DGKB: variants seen among roughly 807,000 people sequenced by gnomAD.
The protein encoded by DGKB is 90 kDa diacylglycerol kinase.
In DGKB, 67 loss-of-function variants were observed where a neutral mutation model predicts 114.3. That is an observed-to-expected ratio of 0.59 (90% confidence interval 0.48 to 0.72). DGKB has a LOEUF of 0.72. DGKB is among the 30% of genes least tolerant of loss of function. The pLI is 0.00. For synonymous variants in DGKB, 398 were observed against 323.1 expected (o/e 1.23, Z -2.49); for missense variants, 907 against 975.2 (o/e 0.93, Z 0.93).
Position 14,601,138 on chromosome 7 carries a change from C to A in DGKB, c.1433+6296G>T, listed in dbSNP as rs565576762. Among the ~76,000 whole-genome samples the A allele has an allele frequency of 3.9e-5, 6 of 152,306 alleles. No individual in the cohort carries two copies. In the East Asian group the frequency reaches 9.7e-4, roughly 25 times the overall value. ...GTTAGCACCAGCTGGATGCTGCAAA[C>A]CTTTGCCACCTCTGTCTCCTGAAGG... On this transcript the variant is annotated intron_variant, in intron 17 of 25. Coordinates refer to ENST00000402815, the MANE Select transcript of DGKB (RefSeq NM_001350709.2).
chr7:14,804,854 G>T (rs945987637), intron 2 of DGKB, among the ~76,000 whole-genome samples: 1 of 151,898 alleles, frequency 6.6e-6, no homozygotes, highest in African/African-American at 2.4e-5. Flanking sequence ...CTCTTTTCAA[G>T]TACACCTGTT....
rs1032555436 is a variant in DGKB at position 14,825,044 on chromosome 7, A to ATC, written c.70+16149_70+16150insGA. 7.7e-5 allele frequency among the ~76,000 whole-genome samples: 11 copies of ATC among 142,892 alleles called. 1 individual carries two copies. The highest frequency in any genetic ancestry group is 5.6e-4 in the Admixed American group (8 of 14,204). 93.7% of individuals were successfully genotyped at this position (142,892 alleles called of 152,430 possible). A position where few individuals can be genotyped will look rare whatever the true frequency, so the allele number is the denominator to read the frequency against. On this transcript the variant is annotated intron_variant, in intron 2 of 25. Transcript: ENST00000402815. ...TATATATATATATATATATATATAT[A>ATC]TATATATATATATCACATGTACTAG...
intron 13 of DGKB, among the ~76,000 whole-genome samples, chr7:14,668,341 G>A (rs1478841521): frequency 6.6e-6 from 1 of 152,038 alleles, no homozygotes. Flanking sequence ...TCTAGTTTGG[G>A]AAAGTTGGGG....
intron 1 of DGKB, among the ~76,000 whole-genome samples, chr7:14,932,552 G>T (rs982664567): frequency 6.6e-6 from 1 of 152,096 alleles, no homozygotes; most frequent in African/African-American, 2.4e-5. Flanking sequence ...ACTTTTAAAA[G>T]TACATTACTT....
rs140836395 is a variant in DGKB at position 14,304,087 on chromosome 7, A to ACACTCTCTCTCT, written c.2122+34427_2122+34428insAGAGAGAGAGTG. On this transcript the variant is annotated intron_variant, in intron 23 of 25. Transcript: ENST00000402815. ...CACACACACACACACACACACACAC[A>ACACTCTCTCTCT]CTCTCTCTCTCTCACCCCTACCTCA... Among the ~76,000 whole-genome samples, 330 of 110,102 alleles carry ACACTCTCTCTCT rather than the reference A, an allele frequency of 3.0e-3. 3 individuals are homozygous for ACACTCTCTCTCT. The highest frequency in any genetic ancestry group is 9.8e-3 in the African/African-American group (270 of 27,516). The allele number at this position is 110,102 out of a possible 152,430, so 72.2% of individuals were successfully genotyped here. A position where few individuals can be genotyped will look rare whatever the true frequency, so the allele number is the denominator to read the frequency against.
At chr7:14,265,153 T>TTTTC (rs879750944) in intron 23 of DGKB, among the ~76,000 whole-genome samples, 1 of 150,776 alleles carries the variant, frequency 6.6e-6, no homozygotes, top group Non-Finnish European at 1.5e-5. Flanking sequence ...TTTTTTTTTT[T>TTTTC]CACCTAAAAA....
intron 1 of DGKB, among the ~76,000 whole-genome samples, chr7:14,959,696 C>T (rs993061760): frequency 4.6e-5 from 7 of 151,476 alleles, no homozygotes; most frequent in Admixed American, 3.3e-4. Context: ...GAATGTATTT[C>T]CTCCACAATC....
Position 14,149,117 on chromosome 7 carries a change from GAAAC to G in DGKB, c.*10_*13del, listed in dbSNP as rs779061264. On this transcript the variant is annotated 3_prime_UTR_variant, in exon 26 of 26. Transcript: ENST00000402815. The stretch of plus-strand genomic sequence containing the variant: ...TTATGCTAATTCAATTTCTAAGAGT[GAAAC>G]AACACAGGATTATTCCTTGCTTCGG... 6.2e-7 allele frequency: 1 copy of G among 1,607,036 alleles called. No homozygotes were observed. Among genetic ancestry groups the G allele is most frequent in the Admixed American group, 1.7e-5 (1 of 59,972 alleles).
intron 23 of DGKB, among the ~76,000 whole-genome samples, chr7:14,189,340 A>ACC (rs1783967468): frequency 1.3e-5 from 2 of 152,184 alleles, no homozygotes; most frequent in Admixed American, 1.3e-4. Context: ...CATCATCTTA[A>ACC]AATAGTCAAT....
chr7:14,557,395 C>T lies in DGKB; in HGVS notation c.1770+16817G>A, dbSNP rs370090108. 1.3e-4 allele frequency among the ~76,000 whole-genome samples: 20 copies of T among 151,892 alleles called. No individual in the cohort carries two copies. The East Asian group carries it at 3.3e-3, about 25-fold the overall frequency. On this transcript the variant is annotated intron_variant, in intron 20 of 25. Coordinates refer to ENST00000402815, the MANE Select transcript of DGKB (RefSeq NM_001350709.2). ...CTTTCTGTTAAAAAAATATTTGTGC[C>T]GGTCTATGTGTATTCTATTTGTCAT...
rs551193615 is a variant in DGKB, at chr7:14,887,016, T to A, written c.-188+15576A>T. The stretch of plus-strand genomic sequence containing the variant: ...TACGGACTCATCCTTCAAATCGCAA[T>A]TTATAATTATTTCTTCAAAAAGCCT... On this transcript the variant is annotated intron_variant, in intron 1 of 25. Coordinates refer to ENST00000402815, the MANE Select transcript of DGKB (RefSeq NM_001350709.2). 4.6e-5 allele frequency among the ~76,000 whole-genome samples: 7 copies of A among 152,000 alleles called. No homozygotes were observed. The South Asian group carries it at 1.5e-3, about 32-fold the overall frequency.
chr7:14,641,580 T>A (rs1811812022), intron 13 of DGKB, among the ~76,000 whole-genome samples: 2 of 152,080 alleles, frequency 1.3e-5, no homozygotes. Flanking sequence ...AATGTAGAAT[T>A]TACCTTACTT....
intron 17 of DGKB, among the ~76,000 whole-genome samples, chr7:14,585,668 A>T (rs1312720421): frequency 1.3e-5 from 2 of 152,256 alleles, no homozygotes; most frequent in East Asian, 1.9e-4. Flanking sequence ...CAGATACTGC[A>T]TTTTTTACAA....
intron 1 of DGKB, among the ~76,000 whole-genome samples, chr7:14,868,815 G>C (rs987141546): frequency 2.0e-5 from 3 of 152,036 alleles, no homozygotes; most frequent in Non-Finnish European, 4.4e-5. Flanking sequence ...TGAAATTAAA[G>C]GCAATACTTC....
chr7:14,498,088 T>A (rs1044346017), intron 20 of DGKB, among the ~76,000 whole-genome samples: 1 of 151,926 alleles, frequency 6.6e-6, no homozygotes, highest in Admixed American at 6.6e-5. Context: ...TCTGAGAGTT[T>A]TAAGTATAGA....
intron 25 of DGKB, among the ~76,000 whole-genome samples, chr7:14,169,980 C>T (rs375006665): frequency 2.0e-5 from 3 of 151,112 alleles, no homozygotes; most frequent in African/African-American, 4.8e-5. Flanking sequence ...ACTAAAAATA[C>T]AAAATTAGCC....
At chr7:14,641,912 T>C (rs995787953) in intron 13 of DGKB, among the ~76,000 whole-genome samples, 1 of 152,118 alleles carries the variant, frequency 6.6e-6, no homozygotes, top group Non-Finnish European at 1.5e-5. Context: ...TTGCACCAAG[T>C]AGATAAATTA....
At chr7:14,552,457 C>T (rs1795233756) in intron 20 of DGKB, among the ~76,000 whole-genome samples, 1 of 151,998 alleles carries the variant, frequency 6.6e-6, no homozygotes, top group Non-Finnish European at 1.5e-5. Context: ...AGTAAGTGAC[C>T]CATAAAGAGT....
intron 13 of DGKB, among the ~76,000 whole-genome samples, chr7:14,634,787 C>G (rs933261201): frequency 2.6e-5 from 4 of 151,384 alleles, no homozygotes; most frequent in African/African-American, 4.8e-5. Flanking sequence ...ATATTTTTGG[C>G]TTCCATGTTT....
Sources: gnomAD v4.1 joint callset for allele counts (sites outside exome capture counted in the v4.1 genomes callset) on GRCh38, gnomAD v4.1.1 for gene constraint, MANE v1.5 for transcripts, NCBI Gene and HGNC (gene_info 2026-07-23, HGNC 2026-07-21) for gene names.